AKR1C3: variants seen among roughly 807,000 people sequenced by gnomAD.
The protein encoded by AKR1C3 is 3-alpha hydroxysteroid dehydrogenase, type II.
Under a neutral mutation model 43.6 loss-of-function variants are expected in AKR1C3, and 48 were observed. The observed-to-expected ratio is 1.10, with a 90% confidence interval of 0.87 to 1.40. The LOEUF is 1.40. Ranked by LOEUF, AKR1C3 falls within the 40% of genes most tolerant of loss-of-function variation. The pLI, the probability that AKR1C3 is intolerant of heterozygous loss-of-function variation, is 0.00. For synonymous variants in AKR1C3, 162 were observed against 139.6 expected (o/e 1.16, Z -1.13); for missense variants, 482 against 391.2 (o/e 1.23, Z -1.96).
chr10:5,099,771 T>G (rs1839301729), intron 5 of AKR1C3: 1 of 327,842 alleles, frequency 3.1e-6, no homozygotes, highest in Non-Finnish European at 5.7e-6. Context: ...GACCAGAAAG[T>G]GCATGGGTGA....
upstream of AKR1C3, chr10:5,094,352 C>T (rs1201090803): frequency 1.4e-5 from 20 of 1,413,840 alleles, no homozygotes; most frequent in African/African-American, 3.2e-4. Flanking sequence ...AGTCAGTTTG[C>T]AGGGGTGGGG....
At chr10:5,080,699 G>A (rs1554782265) in intron 1 of AKR1C3, 1 of 152,250 alleles carries the variant, frequency 6.6e-6, no homozygotes, top group East Asian at 1.9e-4. Flanking sequence ...TAGGAAGGAT[G>A]GAAGGATCTT....
At chr10:5,051,840 A>C (rs922768477) in intron 1 of AKR1C3, among the ~76,000 whole-genome samples, 7 of 152,140 alleles carry the variant, frequency 4.6e-5, no homozygotes, top group Admixed American at 3.3e-4. Flanking sequence ...AAGACAATAA[A>C]TTTGTTTTCT....
intron 5 of AKR1C3, among the ~76,000 whole-genome samples, chr10:5,101,677 T>G (rs1414362358): frequency 6.6e-6 from 1 of 152,218 alleles, no homozygotes; most frequent in Non-Finnish European, 1.5e-5. Flanking sequence ...TTCTTGATGC[T>G]GAAATCTATC....
chr10:5,079,809 T>G (rs1554782175), intron 1 of AKR1C3, among the ~76,000 whole-genome samples: 1 of 152,166 alleles, frequency 6.6e-6, no homozygotes, highest in African/African-American at 2.4e-5. Flanking sequence ...AGTCTCATAT[T>G]TGCTGCTCCA....
intron 1 of AKR1C3, among the ~76,000 whole-genome samples, chr10:5,066,330 CT>C (rs1280275458): frequency 6.6e-6 from 1 of 152,132 alleles, no homozygotes; most frequent in Non-Finnish European, 1.5e-5. Context: ...GAAATTTCCC[CT>C]TTTTGATCAG....
chr10:5,106,918 A>AAT (rs72507161), intron 8 of AKR1C3, among the ~76,000 whole-genome samples: 4 of 116,380 alleles, frequency 3.4e-5, no homozygotes, highest in East Asian at 1.2e-3. Flanking sequence ...GAAAATAAAT[A>AAT]AAAAAAGGAA....
intron 1 of AKR1C3, among the ~76,000 whole-genome samples, chr10:5,071,563 A>T (rs1838613021): frequency 6.6e-6 from 1 of 152,218 alleles, no homozygotes; most frequent in Admixed American, 6.5e-5. Flanking sequence ...CTCTTTTGAA[A>T]TAGGCCTCGC....
chr10:5,086,265 G>C (rs1474397588), intron 1 of AKR1C3, among the ~76,000 whole-genome samples: 4 of 151,432 alleles, frequency 2.6e-5, no homozygotes, highest in African/African-American at 7.3e-5. Flanking sequence ...CAGAGATTCT[G>C]GTATGTTGTG....
chr10:5,060,498 G>T (rs955451944), intron 1 of AKR1C3, among the ~76,000 whole-genome samples: 3 of 152,280 alleles, frequency 2.0e-5, no homozygotes, highest in East Asian at 3.9e-4. Flanking sequence ...TTAGACACAG[G>T]GTGCTGATTG....
At chr10:5,098,089 A>G in intron 3 of AKR1C3, 4 of 988,882 alleles carry the variant, frequency 4.0e-6, no homozygotes, top group Non-Finnish European at 4.8e-6. Flanking sequence ...ATTACTGTGT[A>G]GTGTATAACT....
chr10:5,088,230 T>G (rs1365125859), intron 1 of AKR1C3, among the ~76,000 whole-genome samples: 1 of 152,194 alleles, frequency 6.6e-6, no homozygotes, highest in African/African-American at 2.4e-5. Context: ...ACTTGCTTTA[T>G]AACCAAGGAT....
intron 5 of AKR1C3, among the ~76,000 whole-genome samples, chr10:5,100,251 G>A (rs564367673): frequency 2.6e-5 from 4 of 152,126 alleles, no homozygotes; most frequent in Admixed American, 6.5e-5. Flanking sequence ...CCGAGGTCAC[G>A]CCATTGCACT....
At chr10:5,051,520 A>T (rs1210562508) in intron 1 of AKR1C3, among the ~76,000 whole-genome samples, 1 of 152,260 alleles carries the variant, frequency 6.6e-6, no homozygotes, top group Non-Finnish European at 1.5e-5. Flanking sequence ...CAATCAGAAT[A>T]TGAACTTCTT....
chr10:5,097,600 C>T, intron 3 of AKR1C3, 50 bp downstream of exon 3: 1 of 1,610,516 alleles, frequency 6.2e-7, no homozygotes, highest in Non-Finnish European at 8.5e-7. Context: ...TCATTATAAA[C>T]ATTGTTTATC....
chr10:5,101,490 T>C (rs1188979609), intron 5 of AKR1C3, among the ~76,000 whole-genome samples: 1 of 152,208 alleles, frequency 6.6e-6, no homozygotes. Flanking sequence ...CCTCTAAATA[T>C]CAATTTCCTA....
intron 1 of AKR1C3, among the ~76,000 whole-genome samples, chr10:5,079,702 A>G (rs1037609940): frequency 3.3e-5 from 5 of 151,552 alleles, no homozygotes; most frequent in Non-Finnish European, 4.4e-5. Flanking sequence ...TCTCTCCCCC[A>G]TTACCTGAGA....
At chr10:5,094,561 A>C in intron 1 of AKR1C3, 33 bp downstream of exon 1, 1 of 1,609,004 alleles carries the variant, frequency 6.2e-7, no homozygotes, top group Non-Finnish European at 8.5e-7. Context: ...TTCGGATTTC[A>C]AAAGAATAAA....
chr10:5,070,616 C>T (rs192194240), intron 1 of AKR1C3, among the ~76,000 whole-genome samples: 123 of 152,290 alleles, frequency 8.1e-4, no homozygotes, highest in Middle Eastern at 3.4e-3. Flanking sequence ...GCCTTGTGTT[C>T]CCTGTCTCCA....
Sources: gnomAD v4.1 joint callset for allele counts (sites outside exome capture counted in the v4.1 genomes callset) on GRCh38, gnomAD v4.1.1 for gene constraint, MANE v1.5 for transcripts, NCBI Gene and HGNC (gene_info 2026-07-23, HGNC 2026-07-21) for gene names.